PACC1: variants seen among roughly 807,000 people sequenced by gnomAD.
The protein encoded by PACC1 is proton activated chloride channel 1, also known as proton-activated chloride channel.
A neutral mutation model predicts 39.7 loss-of-function variants in PACC1; 34 were observed. The observed-to-expected ratio is 0.86, with a 90% CI of 0.65 to 1.14. The LOEUF is 1.14. PACC1 is among the 50% of genes most tolerant of loss of function. The pLI is 0.00. For missense variants in PACC1, 379 were observed against 436.4 expected, an observed-to-expected ratio of 0.87 and a Z score of 1.17; for synonymous variants, 127 against 160.6, an observed-to-expected ratio of 0.79 and a Z score of 1.58.
chr1:212,414,803 G>T lies in PACC1; in HGVS notation c.-46C>A, dbSNP rs372625066. ...CACACCTGAGACCGCCCCAGCCCGC[G>T]GCGCACGGACGCAGCACTGCGGCCG... On this transcript the variant is annotated 5_prime_UTR_variant, in exon 1 of 8. Transcript: ENST00000261455. The T allele has an allele frequency of 4.9e-5, 79 of 1,607,940 alleles. No individual in the cohort carries two copies. The highest frequency in any genetic ancestry group is 3.6e-4 in the East Asian group (16 of 44,598).
intron 4 of PACC1, among the ~76,000 whole-genome samples, chr1:212,381,006 T>C (rs1005596594): frequency 6.6e-6 from 1 of 152,036 alleles, no homozygotes; most frequent in Non-Finnish European, 1.5e-5. Flanking sequence ...TGAAAAAGAG[T>C]GAGTACACTG....
chr1:212,403,856 C>T (rs1369250623), intron 2 of PACC1, among the ~76,000 whole-genome samples: 1 of 152,128 alleles, frequency 6.6e-6, no homozygotes. Context: ...TGCCACCACA[C>T]CTGGCCATCT....
rs1381581380 is a variant in PACC1, at chr1:212,386,591, ACT to A, written c.343+298_343+299del. Among the ~76,000 whole-genome samples, 2 of 150,866 alleles carry A rather than the reference ACT, an allele frequency of 1.3e-5. No homozygotes were observed. The highest frequency in any genetic ancestry group is 3.0e-5 in the Non-Finnish European group (2 of 67,684). ...CTCTGCTGATCCCCATCCCAAAGAC[ACT>A]CTCTTCCCATCTATGTGCTTTTCGA... On this transcript the variant is annotated intron_variant, in intron 3 of 7. Transcript: ENST00000261455. This position sits in a 1 kb window ranked among gnomAD's most constrained non-coding sequence, Gnocchi z 5.0.
chr1:212,365,426 ATTCT>A (rs1660199988), intron 7 of PACC1, 50 bp from the exon 8 acceptor site: 4 of 967,318 alleles, frequency 4.1e-6, no homozygotes, highest in Non-Finnish European at 5.8e-6. Context: ...TTCAGTCTTG[ATTCT>A]TTTTTTTTTT....
At chr1:212,365,406 A>G in intron 7 of PACC1, 30 bp from the exon 8 acceptor site, 2 of 1,511,480 alleles carry the variant, frequency 1.3e-6, no homozygotes, top group Non-Finnish European at 1.8e-6. Flanking sequence ...AAACAGGATT[A>G]CTGGTTTGCT....
chr1:212,370,145 A>G (rs1660391461), intron 7 of PACC1, among the ~76,000 whole-genome samples: 5 of 152,226 alleles, frequency 3.3e-5, no homozygotes, highest in Admixed American at 3.3e-4. Flanking sequence ...TATACTCTAG[A>G]CCAAATGGAC....
intron 2 of PACC1, among the ~76,000 whole-genome samples, chr1:212,390,953 C>T (rs1360927968): frequency 6.6e-6 from 1 of 152,146 alleles, no homozygotes; most frequent in Non-Finnish European, 1.5e-5. Context: ...GAAGCTCGAA[C>T]TGGGTGGAGC....
rs1411933310 is a variant in PACC1 at position 212,381,240 on chromosome 1, G to C, written c.496-1203C>G. Among the ~76,000 whole-genome samples, 4 of 152,096 alleles carry C rather than the reference G, an allele frequency of 2.6e-5. No homozygotes were observed. In the East Asian group the frequency reaches 5.8e-4, roughly 22 times the overall value. ...ATGCTGTTTTGTACATAAAGTTTTG[G>C]AACTGTTCAGTCGTCTTAGTGGAGA... is the stretch of plus-strand genomic sequence containing the variant. On this transcript the variant is annotated intron_variant, in intron 4 of 7. Coordinates refer to ENST00000261455, the MANE Select transcript of PACC1 (RefSeq NM_018252.3).
intron 2 of PACC1, among the ~76,000 whole-genome samples, chr1:212,404,703 CTTTT>C (rs547795519): frequency 1.4e-5 from 2 of 140,362 alleles, no homozygotes; most frequent in South Asian, 2.2e-4. Flanking sequence ...GCCTTCCTTC[CTTTT>C]TTTTTTTTTT....
chr1:212,414,165 G>A lies in PACC1; in HGVS notation c.36+557C>T. 2.1e-6 allele frequency: 3 copies of A among 1,398,612 alleles called. No homozygotes were observed. In the South Asian group the frequency reaches 4.5e-5, roughly 21 times the overall value. 86.6% of individuals were successfully genotyped at this position (1,398,612 alleles called of 1,614,324 possible). ...GTGAGACTGGAGGGAGAGACGAAGA[G>A]GAGCGAGAACTAGCAGAGTCCATGA... On this transcript the variant is annotated intron_variant, in intron 1 of 7. Coordinates refer to ENST00000261455, the MANE Select transcript of PACC1 (RefSeq NM_018252.3).
At chr1:212,388,762 G>C (rs897650549) in intron 2 of PACC1, among the ~76,000 whole-genome samples, 3 of 152,268 alleles carry the variant, frequency 2.0e-5, no homozygotes, top group Middle Eastern at 3.4e-3. Context: ...ACTCAACTGT[G>C]GCATTTTGTT....
At chr1:212,414,084 C>A in intron 1 of PACC1, 1 of 1,529,836 alleles carries the variant, frequency 6.5e-7, no homozygotes, top group Non-Finnish European at 8.7e-7. Context: ...GCACAGCCTG[C>A]AGCGCAGGAC....
chr1:212,398,988 G>T (rs1661618608), intron 2 of PACC1, among the ~76,000 whole-genome samples: 1 of 152,188 alleles, frequency 6.6e-6, no homozygotes. Context: ...CTATGCACAG[G>T]AACCTACCCA....
chr1:212,381,672 G>A (rs1246624615), intron 4 of PACC1, among the ~76,000 whole-genome samples: 3 of 140,456 alleles, frequency 2.1e-5, no homozygotes, highest in East Asian at 2.5e-4. Context: ...CTGGGCATGT[G>A]CACAGACACA....
intron 4 of PACC1, among the ~76,000 whole-genome samples, chr1:212,382,100 G>A (rs553143940): frequency 2.4e-4 from 36 of 151,790 alleles, no homozygotes; most frequent in Non-Finnish European, 4.6e-4. Context: ...GTGCACTGGC[G>A]TGATCTCGGC....
chr1:212,366,491 G>A (rs1032115594), intron 7 of PACC1, among the ~76,000 whole-genome samples: 5 of 151,832 alleles, frequency 3.3e-5, no homozygotes, highest in Non-Finnish European at 4.4e-5. Context: ...TAGTAGAGAC[G>A]GGGTTTCACC....
chr1:212,395,568 A>G (rs964648317), intron 2 of PACC1, among the ~76,000 whole-genome samples: 1 of 152,236 alleles, frequency 6.6e-6, no homozygotes, highest in African/African-American at 2.4e-5. Flanking sequence ...AATAGCAACA[A>G]AAGCCAAAAT....
intron 1 of PACC1, among the ~76,000 whole-genome samples, chr1:212,410,820 C>T (rs1323431105): frequency 2.0e-5 from 3 of 152,224 alleles, no homozygotes; most frequent in Non-Finnish European, 4.4e-5. Flanking sequence ...GAGGTGTTGG[C>T]AGGGTTGGCT....
intron 1 of PACC1, among the ~76,000 whole-genome samples, chr1:212,412,507 G>A (rs997298198): frequency 6.6e-6 from 1 of 152,138 alleles, no homozygotes; most frequent in Non-Finnish European, 1.5e-5. Flanking sequence ...GAATGGTTCA[G>A]GAAGAAAGAC....
Sources: allele counts gnomAD v4.1 joint callset (sites outside exome capture counted in the v4.1 genomes callset), GRCh38; gene constraint gnomAD v4.1.1; non-coding constraint Gnocchi (gnomAD v3.1); transcripts MANE v1.5; gene names NCBI Gene and HGNC (gene_info 2026-07-23, HGNC 2026-07-21).